The following CFAP47 variants were observed in gnomAD, a reference collection of about 807,000 sequenced individuals.
The protein encoded by CFAP47 is cilia- and flagella-associated protein 47.
CFAP47 carries 29 observed loss-of-function variants against 148.1 expected under a neutral mutation model. That is an observed-to-expected ratio of 0.20 (90% CI 0.15 to 0.27). CFAP47 has a LOEUF of 0.27. Ranked by LOEUF, CFAP47 falls within the 10% of genes least tolerant of loss-of-function variation. CFAP47 has a pLI of 1.00. For missense variants in CFAP47, 1,872 were observed against 1,697.5 expected, an observed-to-expected ratio of 1.10 and a Z score of -1.81; for synonymous variants, 664 against 577.3, an observed-to-expected ratio of 1.15 and a Z score of -2.15.
chrX:35,959,747 C>T (rs988930141), intron 8 of CFAP47, among the ~76,000 whole-genome samples: 3 of 109,024 alleles, frequency 2.8e-5, no homozygotes, highest in African/African-American at 1.0e-4. Context: ...GCGGAGGTTG[C>T]GCACGCTTGT....
chrX:35,947,110 G>GT (rs1476521376), intron 3 of CFAP47, among the ~76,000 whole-genome samples: 21 of 111,857 alleles, frequency 1.9e-4, no homozygotes, highest in African/African-American at 6.8e-4. Flanking sequence ...GTATGAACCT[G>GT]TGGTCAGAAA....
chrX:36,329,062 A>C (rs1333809769), intron 57 of CFAP47, among the ~76,000 whole-genome samples: 2 of 111,386 alleles, frequency 1.8e-5, no homozygotes, highest in Non-Finnish European at 3.8e-5. Flanking sequence ...AGATGGTGAA[A>C]GCTCAAAGAC....
rs782576334 is a variant in CFAP47, at chrX:36,378,389, T to G, written c.9186-961T>G. ...AAGCTAAAGGGAAGATGAGTAAATA[T>G]CGCCATGGAATAGAAACGGAAACAA... On this transcript the variant is annotated intron_variant, in intron 62 of 63. Coordinates refer to ENST00000378653, the MANE Select transcript of CFAP47 (RefSeq NM_001304548.2). 1.1e-4 allele frequency among the ~76,000 whole-genome samples: 12 copies of G among 111,999 alleles called. No homozygotes were observed. In the South Asian group the frequency reaches 4.1e-3, roughly 38 times the overall value.
chrX:36,318,991 A>G (rs1941457957), intron 56 of CFAP47, among the ~76,000 whole-genome samples: 1 of 111,931 alleles, frequency 8.9e-6, no homozygotes, highest in Non-Finnish European at 1.9e-5. Context: ...CCAAGAATTT[A>G]TGAGTTTATT....
At chrX:36,353,812 A>G in intron 60 of CFAP47, 131 bp downstream of exon 60, 1 of 475,609 alleles carries the variant, frequency 2.1e-6, no homozygotes, top group South Asian at 3.5e-5. Flanking sequence ...ACTTATTCAC[A>G]TAGTGCTTAA....
intron 45 of CFAP47, among the ~76,000 whole-genome samples, chrX:36,208,261 TTTTA>T: frequency 9.0e-6 from 1 of 111,710 alleles, no homozygotes; most frequent in East Asian, 2.8e-4. Context: ...CATGACAACT[TTTTA>T]ATGTGTAACG....
rs766216506 is a variant in CFAP47 at position 35,950,864 on chromosome X, A to G, written c.657-267A>G. ...TGCCATTGAGTTTTTTCTGGGTTCA[A>G]TTCATGAGATTGTTTTACAACTTTA... On this transcript the variant is annotated intron_variant, in intron 4 of 63. Coordinates refer to ENST00000378653, the MANE Select transcript of CFAP47 (RefSeq NM_001304548.2). Among the ~76,000 whole-genome samples, 10 of 111,852 alleles carry G rather than the reference A, an allele frequency of 8.9e-5. No homozygotes were observed. The East Asian group carries it at 2.5e-3, about 28-fold the overall frequency.
At chrX:36,121,034 T>G (rs1389838783) in intron 33 of CFAP47, among the ~76,000 whole-genome samples, 1 of 111,899 alleles carries the variant, frequency 8.9e-6, no homozygotes, top group Admixed American at 9.5e-5. Context: ...TTTACATATC[T>G]GGGTGCTCTA....
intron 46 of CFAP47, among the ~76,000 whole-genome samples, chrX:36,233,344 G>A (rs781845312): frequency 5.3e-4 from 59 of 111,754 alleles, no homozygotes; most frequent in African/African-American, 1.8e-3. Flanking sequence ...TCTTCTTGTT[G>A]AATTGATCCC....
At chrX:36,134,369 G>A (rs1456124597) in intron 33 of CFAP47, among the ~76,000 whole-genome samples, 1 of 111,156 alleles carries the variant, frequency 9.0e-6, no homozygotes, top group Admixed American at 9.6e-5. Flanking sequence ...TTTTGAAAAG[G>A]CGGAAGAAAT....
At chrX:36,043,368 A>G (rs1475128862) in intron 25 of CFAP47, among the ~76,000 whole-genome samples, 6 of 112,481 alleles carry the variant, frequency 5.3e-5, no homozygotes, top group Non-Finnish European at 1.1e-4. Flanking sequence ...GTCCAAGTCC[A>G]AAGTCTCATC....
intron 8 of CFAP47, among the ~76,000 whole-genome samples, 186 bp from the exon 9 acceptor site, chrX:35,966,379 A>C (rs1936406912): frequency 1.9e-5 from 2 of 106,663 alleles, no homozygotes; most frequent in African/African-American, 6.7e-5. Flanking sequence ...TTTATTAAAA[A>C]ATTATTTAAG....
At chrX:36,069,255 G>A (rs1937701126) in intron 27 of CFAP47, among the ~76,000 whole-genome samples, 1 of 110,812 alleles carries the variant, frequency 9.0e-6, no homozygotes, top group African/African-American at 3.3e-5. Flanking sequence ...GCTTTTGTGA[G>A]GACCCATAGA....
At chrX:36,238,636 C>T (rs1940503021) in intron 48 of CFAP47, among the ~76,000 whole-genome samples, 1 of 111,336 alleles carries the variant, frequency 9.0e-6, no homozygotes, top group Admixed American at 9.6e-5. Flanking sequence ...TTATATTATT[C>T]TACATTTCTT....
intron 25 of CFAP47, among the ~76,000 whole-genome samples, chrX:36,043,147 A>G (rs1477871717): frequency 8.9e-6 from 1 of 112,196 alleles, no homozygotes; most frequent in Non-Finnish European, 1.9e-5. Context: ...ATTCATTACA[A>G]ATGTATTAAA....
At chrX:36,338,196 A>C (rs1470626080) in intron 57 of CFAP47, among the ~76,000 whole-genome samples, 3 of 108,300 alleles carry the variant, frequency 2.8e-5, no homozygotes, top group Non-Finnish European at 5.7e-5. Context: ...CTTCCATAAT[A>C]CATTTTTAAT....
rs764793943 is a variant in CFAP47, at chrX:36,027,772, C to T, written c.3557-3481C>T. Among the ~76,000 whole-genome samples the T allele has an allele frequency of 8.7e-4, 97 of 111,817 alleles. 1 individual carries two copies. The highest frequency in any genetic ancestry group is 2.9e-3 in the African/African-American group (88 of 30,819). On this transcript the variant is annotated intron_variant, in intron 22 of 63. Coordinates refer to ENST00000378653, the MANE Select transcript of CFAP47 (RefSeq NM_001304548.2). ...ATGTTGTACTAACTTATATTCCCAT[C>T]AACAGTATATAAGTGTTCACTTTTT...
intron 44 of CFAP47, among the ~76,000 whole-genome samples, chrX:36,202,620 G>A (rs1555988215): frequency 1.8e-5 from 2 of 111,718 alleles, no homozygotes; most frequent in African/African-American, 3.3e-5. Flanking sequence ...TCTCACGCCT[G>A]TAATCCCAGC....
intron 49 of CFAP47, among the ~76,000 whole-genome samples, chrX:36,261,320 C>CT (rs143068749): frequency 0.026 from 523 of 20,433 alleles, 55 homozygotes; most frequent in African/African-American, 0.075. Flanking sequence ...AGATACTATT[C>CT]TTTTTTTTTT....
Sources: allele counts gnomAD v4.1 joint callset (sites outside exome capture counted in the v4.1 genomes callset), GRCh38; gene constraint gnomAD v4.1.1; transcripts MANE v1.5; gene names NCBI Gene and HGNC (gene_info 2026-07-23, HGNC 2026-07-21).